MLXIP: variants seen among roughly 807,000 people sequenced by gnomAD.
MLXIP encodes MLX interacting protein, also known as MLX-interacting protein.
Under a neutral mutation model 87.2 loss-of-function variants are expected in MLXIP, and 30 were observed. That is an observed-to-expected ratio of 0.34 (90% CI 0.26 to 0.47). MLXIP has a LOEUF of 0.47. Among genes scored for constraint, MLXIP ranks in the 20% least tolerant of loss-of-function variants. The probability of loss-of-function intolerance (pLI) is 1.00; values close to 1 mark genes in which losing one functional copy is unlikely to be tolerated. For missense variants in MLXIP, 1,002 were observed against 1,240.1 expected, an observed-to-expected ratio of 0.81 and a Z score of 2.88; for synonymous variants, 530 against 514.0, an observed-to-expected ratio of 1.03 and a Z score of -0.42.
chr12:122,111,076 C>CA (rs56017387), intron 1 of MLXIP, among the ~76,000 whole-genome samples: 70,661 of 129,540 alleles, frequency 0.55, 18,395 homozygotes, highest in Middle Eastern at 0.66. Flanking sequence ...GACTCTGTCT[C>CA]AAAAAAAAAA....
At chr12:122,124,956 C>T (rs1253021072) in intron 1 of MLXIP, among the ~76,000 whole-genome samples, 4 of 152,180 alleles carry the variant, frequency 2.6e-5, no homozygotes, top group African/African-American at 9.7e-5. Flanking sequence ...CAGCTGAGGT[C>T]AGGAGTTCCA....
chr12:122,145,520 G>GC lies in MLXIP; in HGVS notation c.*3709dup, dbSNP rs1279841087. On this transcript the variant is annotated 3_prime_UTR_variant, in exon 17 of 17. Transcript: ENST00000319080. ...GCTTACACACCCACCTCATCTCCGTGCACAGCCATGACTGGCCCTGCCGGC... is the reference window on the plus strand; with the variant it reads ...GCTTACACACCCACCTCATCTCCGTGCCACAGCCATGACTGGCCCTGCCGGC... The GC allele has an allele frequency of 1.3e-5, 2 of 152,330 alleles. No homozygotes were observed. Among genetic ancestry groups the GC allele is most frequent in the Non-Finnish European group, 2.9e-5 (2 of 68,150 alleles). 9.4% of individuals were successfully genotyped at this position (152,330 alleles called of 1,614,324 possible).
chr12:122,081,411 C>CA (rs1416392976), intron 1 of MLXIP, among the ~76,000 whole-genome samples: 1 of 152,178 alleles, frequency 6.6e-6, no homozygotes, highest in Non-Finnish European at 1.5e-5. Context: ...ACAAATGACT[C>CA]AAAACCAGTT....
intron 7 of MLXIP, among the ~76,000 whole-genome samples, chr12:122,131,255 T>C (rs1952972763): frequency 6.6e-6 from 1 of 151,870 alleles, no homozygotes. Context: ...GCACCTGCCA[T>C]TGTGACAGCA....
chr12:122,101,817 G>A (rs1952443207), intron 1 of MLXIP, among the ~76,000 whole-genome samples: 1 of 152,066 alleles, frequency 6.6e-6, no homozygotes. Context: ...CTGACCTTGT[G>A]ATCCACCCAC....
rs115445208 is a variant in MLXIP, at chr12:122,142,054, C to G, written c.*242C>G. 2.5e-3 allele frequency: 1,707 copies of G among 670,566 alleles called. 24 individuals carry two copies. In the African/African-American group the frequency reaches 0.027, roughly 11 times the overall value. 41.5% of individuals were successfully genotyped at this position (670,566 alleles called of 1,614,324 possible). ...CTCTCTCACTCAGTGACCTCAGTCA[C>G]CAACCTCCTCTGCCCTCGGGGCAGC... On this transcript the variant is annotated 3_prime_UTR_variant, in exon 17 of 17. Coordinates refer to ENST00000319080, the MANE Select transcript of MLXIP (RefSeq NM_014938.6).
At position 122,138,398 on chromosome 12, in the gene MLXIP, C is replaced by T. The variant is rs777367656; in HGVS notation, c.2257-26C>T. The T allele has an allele frequency of 1.7e-5, 28 of 1,611,436 alleles. No individual in the cohort carries two copies. In the South Asian group the frequency reaches 2.9e-4, roughly 16 times the overall value. On this transcript the variant is annotated intron_variant, in intron 13 of 16. Coordinates refer to ENST00000319080, the MANE Select transcript of MLXIP (RefSeq NM_014938.6). ...GCAGGCCTGCTGGCTGTGGGTGCTG[C>T]CTCCAGCCACCTGCCCCTTCTGCAG...
chr12:122,112,823 C>T (rs1398198913), intron 1 of MLXIP, among the ~76,000 whole-genome samples: 2 of 152,168 alleles, frequency 1.3e-5, no homozygotes, highest in African/African-American at 4.8e-5. Flanking sequence ...CATCCCTGTA[C>T]ATTCATTCCA....
Position 122,129,168 on chromosome 12 carries a change from G to T in MLXIP, c.638G>T (p.Ser213Ile). 1 of 1,611,380 alleles carries T rather than the reference G, an allele frequency of 6.2e-7. No individual in the cohort carries two copies. Among genetic ancestry groups the T allele is most frequent in the Non-Finnish European group, 8.5e-7 (1 of 1,178,820 alleles). ...ACCACGGAAGGGAAGTACTGGAAGAGCCGCATCGAGATTGTGATCCGGGAG... is the reference window on the plus strand; with the variant it reads ...ACCACGGAAGGGAAGTACTGGAAGATCCGCATCGAGATTGTGATCCGGGAG... ...AITTEGKYWK[S>I]RIEIVIREYH... Residue 213 changes from serine to isoleucine, a missense_variant, in exon 4 of 17, where the codon AGC (serine) becomes ATC (isoleucine). By Grantham distance (142) the Ser-to-Ile change is moderately radical (BLOSUM62 -2). Coordinates refer to ENST00000319080, the MANE Select transcript of MLXIP (RefSeq NM_014938.6).
intron 1 of MLXIP, among the ~76,000 whole-genome samples, chr12:122,124,680 A>T (rs999502111): frequency 6.6e-6 from 1 of 151,234 alleles, no homozygotes; most frequent in African/African-American, 2.4e-5. Flanking sequence ...AAAACATCAT[A>T]CCCTTCAATA....
chr12:122,097,597 A>T (rs1593069339), intron 1 of MLXIP, among the ~76,000 whole-genome samples: 1 of 144,766 alleles, frequency 6.9e-6, no homozygotes, highest in East Asian at 2.0e-4. Context: ...TGGGTGACAG[A>T]GTGAGACCCT....
Position 122,130,068 on chromosome 12 carries a change from T to A in MLXIP, c.866T>A (p.Leu289His). 6.2e-7 allele frequency: 1 copy of A among 1,613,952 alleles called. No homozygotes were observed. Among genetic ancestry groups the A allele is most frequent in the Non-Finnish European group, 8.5e-7 (1 of 1,179,874 alleles). Residue 289 changes from leucine to histidine, a missense_variant, in exon 6 of 17, where the codon CTT becomes CAT. Leu to His is a moderately conservative substitution (Grantham distance 99, BLOSUM62 -3). This residue lies in a region of MLXIP where 746 missense variants were observed against 897.0 expected (regional missense o/e 0.83). Transcript: ENST00000319080. ...TTCAGCGACACCCTCTTCTCCACAC[T>A]TTCTTCACACCAGCCGGTGGCCTGG... ...SEFSDTLFST[L>H]SSHQPVAWPN...
intron 1 of MLXIP, among the ~76,000 whole-genome samples, chr12:122,101,044 A>G (rs1379328154): frequency 6.6e-6 from 1 of 151,970 alleles, no homozygotes; most frequent in Admixed American, 6.5e-5. Context: ...AAATTATAAT[A>G]TATTCTCATT....
chr12:122,116,619 G>A (rs1044463739), intron 1 of MLXIP, among the ~76,000 whole-genome samples: 4 of 152,164 alleles, frequency 2.6e-5, no homozygotes, highest in African/African-American at 9.7e-5. Context: ...CCCTGCCCAG[G>A]GGTCCCTGCC....
Position 122,088,440 on chromosome 12 carries a change from G to C in MLXIP, c.413+9174G>C, listed in dbSNP as rs557486307. ...GGGGTGATTTTGGTAGCTCCAGAAG[G>C]GGCTCCAGCATCTGGAGAAAGAATT... On this transcript the variant is annotated intron_variant, in intron 1 of 16. Coordinates refer to ENST00000319080, the MANE Select transcript of MLXIP (RefSeq NM_014938.6). 4.6e-5 allele frequency among the ~76,000 whole-genome samples: 7 copies of C among 152,264 alleles called. No individual in the cohort carries two copies. The South Asian group carries it at 1.5e-3, about 32-fold the overall frequency.
chr12:122,105,141 CTGTTG>C, intron 1 of MLXIP, among the ~76,000 whole-genome samples: 1 of 152,314 alleles, frequency 6.6e-6, no homozygotes, highest in East Asian at 1.9e-4. Context: ...GGTGGGCCCA[CTGTTG>C]GTGGTGCTAA....
intron 8 of MLXIP, chr12:122,132,714 T>G (rs1276316219): frequency 7.6e-6 from 2 of 263,036 alleles, no homozygotes; most frequent in Non-Finnish European, 1.4e-5. Flanking sequence ...AAATAACTTC[T>G]GTATATTTCT....
intron 1 of MLXIP, among the ~76,000 whole-genome samples, chr12:122,093,764 GT>G (rs1952291915): frequency 2.5e-5 from 3 of 121,074 alleles, no homozygotes; most frequent in African/African-American, 6.2e-5. Context: ...GGTGTAGTGT[GT>G]GTGTGGTGTG....
At chr12:122,119,194 CAAAA>C (rs1421086012) in intron 1 of MLXIP, among the ~76,000 whole-genome samples, 12 of 146,384 alleles carry the variant, frequency 8.2e-5, no homozygotes, top group Non-Finnish European at 1.5e-5. Flanking sequence ...CAAAACAAAA[CAAAA>C]CAAACAAACA....
Sources: gnomAD v4.1 joint callset for allele counts (sites outside exome capture counted in the v4.1 genomes callset) on GRCh38, gnomAD v4.1.1 for gene constraint, gnomAD v4.1.1 regional missense constraint, MANE v1.5 for transcripts, NCBI Gene and HGNC (gene_info 2026-07-23, HGNC 2026-07-21) for gene names.